Variants in CNTNAP5 observed in about 807,000 individuals in gnomAD.
The protein encoded by CNTNAP5 is contactin associated protein family member 5.
A neutral mutation model predicts 150.2 loss-of-function variants in CNTNAP5; 72 were observed. The observed-to-expected ratio is 0.48, with a 90% CI of 0.40 to 0.58. CNTNAP5 has a LOEUF of 0.58. Among genes scored for constraint, CNTNAP5 ranks in the 20% least tolerant of loss-of-function variants. CNTNAP5 has a pLI of 0.00. For missense variants in CNTNAP5, 1,636 were observed against 1,626.2 expected (o/e 1.01, Z -0.10); for synonymous variants, 672 against 619.8 (o/e 1.08, Z -1.25).
At position 124,523,272 on chromosome 2, in the gene CNTNAP5, C is replaced by T. The variant is rs188068489; in HGVS notation, c.1328-1031C>T. Among the ~76,000 whole-genome samples the T allele has an allele frequency of 8.3e-4, 126 of 152,222 alleles. 1 individual carries two copies. In the South Asian group the frequency reaches 0.022, roughly 26 times the overall value. On this transcript the variant is annotated intron_variant, in intron 8 of 23. Coordinates refer to ENST00000682447, the MANE Select transcript of CNTNAP5 (RefSeq NM_001367498.1). ...GTACAAACATTGTCCTCTTTGCAAG[C>T]GAGGAAACTGACACAATGAGAGGAA...
At chr2:124,534,246 G>A (rs952143501) in intron 10 of CNTNAP5, among the ~76,000 whole-genome samples, 5 of 152,098 alleles carry the variant, frequency 3.3e-5, no homozygotes, top group African/African-American at 1.2e-4. Flanking sequence ...CCTCCAGAGA[G>A]AGTTCTTGGA....
chr2:124,454,995 C>T (rs540109106), intron 6 of CNTNAP5, among the ~76,000 whole-genome samples: 15 of 151,918 alleles, frequency 9.9e-5, no homozygotes, highest in African/African-American at 3.4e-4. Flanking sequence ...ACTAGAGAAA[C>T]AAGAACAAAC....
intron 2 of CNTNAP5, among the ~76,000 whole-genome samples, chr2:124,234,148 T>A (rs1056335988): frequency 6.6e-6 from 1 of 152,132 alleles, no homozygotes; most frequent in East Asian, 1.9e-4. Flanking sequence ...ACAGGAACAG[T>A]GTTTTACCTT....
chr2:124,626,374 C>A (rs1044050393), intron 12 of CNTNAP5, among the ~76,000 whole-genome samples: 2 of 152,084 alleles, frequency 1.3e-5, no homozygotes, highest in African/African-American at 4.8e-5. Flanking sequence ...ACTGAGGTAC[C>A]CAGTTCATCT....
intron 1 of CNTNAP5, among the ~76,000 whole-genome samples, chr2:124,153,239 T>C (rs1412794974): frequency 2.6e-5 from 4 of 152,034 alleles, no homozygotes; most frequent in Non-Finnish European, 5.9e-5. Context: ...AAAGCAAACA[T>C]GAAGTGGGGC....
chr2:124,079,937 G>T (rs1287300665), intron 1 of CNTNAP5, among the ~76,000 whole-genome samples: 1 of 152,152 alleles, frequency 6.6e-6, no homozygotes, highest in African/African-American at 2.4e-5. Flanking sequence ...AAGGGCTGTT[G>T]AAGAATAAAT....
intron 13 of CNTNAP5, among the ~76,000 whole-genome samples, chr2:124,720,278 G>C (rs912405009): frequency 6.6e-6 from 1 of 151,926 alleles, no homozygotes; most frequent in African/African-American, 2.4e-5. Flanking sequence ...AGTTGTTTTC[G>C]GTATGTAACT....
At chr2:124,410,643 G>A (rs1157323439) in intron 3 of CNTNAP5, among the ~76,000 whole-genome samples, 1 of 150,026 alleles carries the variant, frequency 6.7e-6, no homozygotes, top group Admixed American at 6.7e-5. Flanking sequence ...GATACATAAC[G>A]AAATGAAGGC....
At position 124,219,231 on chromosome 2, in the gene CNTNAP5, G is replaced by A. The variant is rs564490335; in HGVS notation, c.83-2474G>A. On this transcript the variant is annotated intron_variant, in intron 1 of 23. Transcript: ENST00000682447. ...CATTTGTAAAAATGGCTTGCTAATT[G>A]TACAATAAAAATTTTATAAGAAAAG... Among the ~76,000 whole-genome samples, 5 of 152,154 alleles carry A rather than the reference G, an allele frequency of 3.3e-5. 1 individual carries two copies. In the South Asian group the frequency reaches 1.0e-3, roughly 32 times the overall value.
intron 19 of CNTNAP5, among the ~76,000 whole-genome samples, chr2:124,807,059 T>G (rs1416239596): frequency 6.6e-6 from 1 of 152,082 alleles, no homozygotes; most frequent in Non-Finnish European, 1.5e-5. Flanking sequence ...AAAGACATGT[T>G]TTTATTCTTC....
chr2:124,070,321 C>T (rs1350960245), intron 1 of CNTNAP5, among the ~76,000 whole-genome samples: 2 of 148,460 alleles, frequency 1.3e-5, no homozygotes, highest in African/African-American at 5.0e-5. Flanking sequence ...GGAGTAAGTC[C>T]TCACTTATCA....
chr2:124,818,811 G>A (rs1327973949), intron 19 of CNTNAP5, among the ~76,000 whole-genome samples: 1 of 152,132 alleles, frequency 6.6e-6, no homozygotes, highest in African/African-American at 2.4e-5. Context: ...CCTGGATCTA[G>A]CAGGCAGTAC....
At chr2:124,808,659 A>C (rs1330882832) in intron 19 of CNTNAP5, among the ~76,000 whole-genome samples, 1 of 152,148 alleles carries the variant, frequency 6.6e-6, no homozygotes, top group Non-Finnish European at 1.5e-5. Context: ...TGAAAAGACA[A>C]AGACAACAGA....
At chr2:124,368,228 T>C (rs561278123) in intron 3 of CNTNAP5, among the ~76,000 whole-genome samples, 1 of 152,344 alleles carries the variant, frequency 6.6e-6, no homozygotes, top group Admixed American at 6.5e-5. Flanking sequence ...AAAATGGTTT[T>C]AGAAATTAGT....
intron 3 of CNTNAP5, among the ~76,000 whole-genome samples, chr2:124,244,243 C>G (rs975197518): frequency 6.6e-6 from 1 of 152,134 alleles, no homozygotes; most frequent in Non-Finnish European, 1.5e-5. Flanking sequence ...TTGTCACTTT[C>G]CCTGTGTTTC....
intron 3 of CNTNAP5, among the ~76,000 whole-genome samples, chr2:124,405,435 G>T (rs757695745): frequency 1.4e-4 from 21 of 152,166 alleles, no homozygotes; most frequent in Non-Finnish European, 2.8e-4. Context: ...TTACTTGGTT[G>T]CAGAAACCGG....
Position 124,110,233 on chromosome 2 carries a change from A to C in CNTNAP5, c.82+84501A>C, listed in dbSNP as rs1028784478. On this transcript the variant is annotated intron_variant, in intron 1 of 23. Transcript: ENST00000682447. ...TTAAATCATCTGTTGTTATGTATGG[A>C]CTGCTCCTTTTGTACTGAGCACCGG... Among the ~76,000 whole-genome samples the C allele has an allele frequency of 1.3e-4, 20 of 152,300 alleles. No individual in the cohort carries two copies. The East Asian group carries it at 3.9e-3, about 29-fold the overall frequency.
chr2:124,846,276 T>TA (rs930599816), intron 19 of CNTNAP5, among the ~76,000 whole-genome samples: 2 of 152,084 alleles, frequency 1.3e-5, no homozygotes, highest in African/African-American at 2.4e-5. Context: ...TTGTTCATTT[T>TA]AAAAAAAATT....
At chr2:124,748,919 C>A (rs1330272406) in intron 14 of CNTNAP5, among the ~76,000 whole-genome samples, 1 of 152,122 alleles carries the variant, frequency 6.6e-6, no homozygotes, top group Non-Finnish European at 1.5e-5. Flanking sequence ...TCTGTGAGCC[C>A]CCACTTTATC....
Sources: allele counts gnomAD v4.1 joint callset (sites outside exome capture counted in the v4.1 genomes callset), GRCh38; gene constraint gnomAD v4.1.1; transcripts MANE v1.5; gene names NCBI Gene and HGNC (gene_info 2026-07-23, HGNC 2026-07-21).